PTPRQ: variants seen among roughly 807,000 people sequenced by gnomAD.
PTPRQ encodes protein tyrosine phosphatase receptor type Q, also known as phosphatidylinositol phosphatase PTPRQ.
Under a neutral mutation model 246.0 loss-of-function variants are expected in PTPRQ, and 199 were observed. The observed-to-expected ratio is 0.81, with a 90% CI of 0.72 to 0.91. PTPRQ has a LOEUF of 0.91. Among genes scored for constraint, PTPRQ ranks in the 40% least tolerant of loss-of-function variants. The pLI, the probability that PTPRQ is intolerant of heterozygous loss-of-function variation, is 0.00. For missense variants in PTPRQ, 2,624 were observed against 2,528.4 expected, an observed-to-expected ratio of 1.04 and a Z score of -0.81; for synonymous variants, 869 against 853.2, an observed-to-expected ratio of 1.02 and a Z score of -0.32.
rs77599313 is a variant in PTPRQ at position 80,565,314 on chromosome 12, C to T, written c.4285+15580C>T. On this transcript the variant is annotated intron_variant, in intron 25 of 44. Transcript: ENST00000644991. ...TTAATATCTCTCATTAAGTGGACTC[C>T]AGGCAGCCACTCTTTGCTTTATCCA... Among the ~76,000 whole-genome samples, 1,435 of 152,256 alleles carry T rather than the reference C, an allele frequency of 9.4e-3. 15 individuals are homozygous for T. The highest frequency in any genetic ancestry group is 0.017 in the Non-Finnish European group (1,155 of 68,010).
intron 17 of PTPRQ, among the ~76,000 whole-genome samples, chr12:80,516,088 G>C (rs1335693056): frequency 6.6e-6 from 1 of 152,004 alleles, no homozygotes; most frequent in Non-Finnish European, 1.5e-5. Flanking sequence ...TGAATTCCTA[G>C]GGCAACCACC....
chr12:80,628,923 C>T (rs1338823284), intron 33 of PTPRQ, among the ~76,000 whole-genome samples: 2 of 151,928 alleles, frequency 1.3e-5, no homozygotes, highest in African/African-American at 2.4e-5. Context: ...GCTGCCATCA[C>T]AAAATATCAT....
intron 7 of PTPRQ, among the ~76,000 whole-genome samples, chr12:80,471,172 A>C (rs1893613067): frequency 6.6e-6 from 1 of 152,042 alleles, no homozygotes; most frequent in African/African-American, 2.4e-5. Flanking sequence ...GGGAGAGAGA[A>C]TAGTAAATAA....
chr12:80,632,559 G>C (rs920993585), intron 34 of PTPRQ, among the ~76,000 whole-genome samples: 1 of 152,140 alleles, frequency 6.6e-6, no homozygotes, highest in Non-Finnish European at 1.5e-5. Flanking sequence ...TAGCAGAAAT[G>C]GCTAACTACT....
At chr12:80,482,322 A>G (rs1162921165) in intron 8 of PTPRQ, among the ~76,000 whole-genome samples, 1 of 151,916 alleles carries the variant, frequency 6.6e-6, no homozygotes, top group African/African-American at 2.4e-5. Context: ...GGCTAGCCAT[A>G]TGTAGAAAGC....
intron 17 of PTPRQ, among the ~76,000 whole-genome samples, chr12:80,514,746 G>GT (rs1160422377): frequency 2.1e-5 from 3 of 143,822 alleles, no homozygotes; most frequent in African/African-American, 7.6e-5. Flanking sequence ...ATTACATTAG[G>GT]TATTATATAA....
rs760739548 is a variant in PTPRQ at position 80,620,303 on chromosome 12, GATA to G, written c.5542_5544del (p.Asn1848del). 1 of 1,549,514 alleles carries G rather than the reference GATA, an allele frequency of 6.5e-7. No individual in the cohort carries two copies. Among genetic ancestry groups the G allele is most frequent in the Non-Finnish European group, 8.7e-7 (1 of 1,145,566 alleles). On this transcript the variant is annotated inframe_deletion, in exon 32 of 45. Transcript: ENST00000644991. Reference sequence around the variant, plus strand: ...TGAAGAAATCTACATCATAGGTGCTGATAATGCATGCATGATTCCTGGCAATGA... The same window carrying G: ...TGAAGAAATCTACATCATAGGTGCTGATGCATGCATGATTCCTGGCAATGA...
intron 15 of PTPRQ, 86 bp from the exon 16 acceptor site, chr12:80,506,483 G>T: frequency 1.6e-5 from 17 of 1,093,016 alleles, no homozygotes; most frequent in Non-Finnish European, 2.2e-5. Context: ...GGAAGATTGT[G>T]TTGACAGCCA....
intron 25 of PTPRQ, among the ~76,000 whole-genome samples, chr12:80,549,979 C>T (rs1234023449): frequency 6.6e-6 from 1 of 151,992 alleles, no homozygotes; most frequent in East Asian, 1.9e-4. Context: ...ACTGTATTTC[C>T]ACAAATATAA....
intron 25 of PTPRQ, among the ~76,000 whole-genome samples, chr12:80,554,934 G>A (rs1338590253): frequency 6.6e-6 from 1 of 152,024 alleles, no homozygotes; most frequent in African/African-American, 2.4e-5. Flanking sequence ...GTTTGTTTGA[G>A]ACAGGGTCTC....
chr12:80,488,629 A>G (rs1347691574), intron 9 of PTPRQ, among the ~76,000 whole-genome samples: 2 of 152,060 alleles, frequency 1.3e-5, no homozygotes, highest in Non-Finnish European at 2.9e-5. Context: ...TAGGGAGGGT[A>G]TAAACAGGGA....
At chr12:80,610,961 A>G (rs913352540) in intron 28 of PTPRQ, among the ~76,000 whole-genome samples, 3 of 150,360 alleles carry the variant, frequency 2.0e-5, no homozygotes, top group Admixed American at 6.7e-5. Context: ...ATATCCAATA[A>G]CACTTCAACT....
chr12:80,456,404 C>T (rs907285762), intron 3 of PTPRQ, among the ~76,000 whole-genome samples: 3 of 152,134 alleles, frequency 2.0e-5, no homozygotes, highest in South Asian at 2.1e-4. Flanking sequence ...AAAGAATAGG[C>T]AACCTTTTTC....
intron 32 of PTPRQ, 51 bp from the exon 33 acceptor site, chr12:80,622,010 G>T: frequency 8.7e-7 from 1 of 1,153,266 alleles, no homozygotes. Context: ...TTATTCATAG[G>T]AAAAATCACA....
intron 33 of PTPRQ, among the ~76,000 whole-genome samples, chr12:80,628,006 T>C (rs1821656629): frequency 6.6e-6 from 1 of 152,098 alleles, no homozygotes; most frequent in Non-Finnish European, 1.5e-5. Flanking sequence ...TGCTTTGAAA[T>C]GGTAATCTAA....
intron 9 of PTPRQ, among the ~76,000 whole-genome samples, chr12:80,489,626 C>A (rs1894383320): frequency 1.3e-5 from 2 of 151,924 alleles, no homozygotes; most frequent in Admixed American, 1.3e-4. Flanking sequence ...CTCTTACTCA[C>A]TTGAACACAA....
Position 80,552,648 on chromosome 12 carries a change from TA to T in PTPRQ, c.4285+2915del, listed in dbSNP as rs1896516779. ...AGGTCTTTGTAAAAAAAAAAAATTATATATATATATATATATATATATATAT... is the reference window on the plus strand; with the variant it reads ...AGGTCTTTGTAAAAAAAAAAAATTATTATATATATATATATATATATATAT... On this transcript the variant is annotated intron_variant, in intron 25 of 44. Transcript: ENST00000644991. Among the ~76,000 whole-genome samples, 3 of 3,918 alleles carry T rather than the reference TA, an allele frequency of 7.7e-4. 1 individual carries two copies. Among genetic ancestry groups the T allele is most frequent in the East Asian group, 7.1e-3 (2 of 280 alleles). The allele number at this position is 3,918 out of a possible 152,430, so 2.6% of individuals were successfully genotyped here.
At chr12:80,619,670 A>G (rs1397213888) in intron 31 of PTPRQ, 128 bp downstream of exon 31, 5 of 608,152 alleles carry the variant, frequency 8.2e-6, no homozygotes, top group South Asian at 8.5e-5. Context: ...TAGATTGTCA[A>G]TATTATTATT....
At chr12:80,677,529 A>C (rs1844577428) in intron 43 of PTPRQ, among the ~76,000 whole-genome samples, 1 of 152,214 alleles carries the variant, frequency 6.6e-6, no homozygotes, top group Non-Finnish European at 1.5e-5. Context: ...CACTTATTAT[A>C]CAACTACTAT....
Sources: allele counts gnomAD v4.1 joint callset (sites outside exome capture counted in the v4.1 genomes callset), GRCh38; gene constraint gnomAD v4.1.1; transcripts MANE v1.5; gene names NCBI Gene and HGNC (gene_info 2026-07-23, HGNC 2026-07-21).